Variants in SCMH1 observed in about 807,000 individuals in gnomAD.
SCMH1 encodes Scm polycomb group protein homolog 1.
SCMH1 carries 37 observed loss-of-function variants against 70.8 expected under a neutral mutation model. The ratio of observed to expected loss-of-function variants is 0.52; its 90% CI spans 0.40 to 0.69. SCMH1 has a LOEUF of 0.69. Ranked by LOEUF, SCMH1 falls within the 30% of genes least tolerant of loss-of-function variation. The probability of loss-of-function intolerance (pLI) is 0.00; values close to 1 mark genes in which losing one functional copy is unlikely to be tolerated. For missense variants in SCMH1, 607 were observed against 827.3 expected (o/e 0.73, Z 3.27); for synonymous variants, 292 against 307.4 (o/e 0.95, Z 0.52).
intron 10 of SCMH1, among the ~76,000 whole-genome samples, chr1:41,062,511 G>A (rs186074061): frequency 1.1e-4 from 17 of 152,086 alleles, no homozygotes; most frequent in Admixed American, 1.0e-3. Context: ...GGAGGCTGAG[G>A]TGGGCAGATC....
At chr1:41,171,130 G>A (rs1241347995) in intron 2 of SCMH1, among the ~76,000 whole-genome samples, 2 of 152,160 alleles carry the variant, frequency 1.3e-5, no homozygotes, top group African/African-American at 2.4e-5. Context: ...ACTGCTGAGT[G>A]CCCAATCTGC....
At chr1:41,179,888 A>G (rs1247610590) in intron 2 of SCMH1, among the ~76,000 whole-genome samples, 1 of 152,236 alleles carries the variant, frequency 6.6e-6, no homozygotes, top group Non-Finnish European at 1.5e-5. Flanking sequence ...TCCTGATACC[A>G]AAGTCTGGCA....
intron 1 of SCMH1, among the ~76,000 whole-genome samples, chr1:41,240,249 G>C (rs1229517886): frequency 2.0e-5 from 3 of 152,198 alleles, no homozygotes; most frequent in African/African-American, 4.8e-5. Flanking sequence ...GCTTGTCTAA[G>C]TTGTAAAAAC....
chr1:41,077,114 G>A (rs540250371), intron 8 of SCMH1, among the ~76,000 whole-genome samples: 1 of 152,256 alleles, frequency 6.6e-6, no homozygotes, highest in African/African-American at 2.4e-5. Context: ...AAAAGTCAGA[G>A]TAATTATTTA....
chr1:41,077,739 T>A (rs1658771152), intron 8 of SCMH1, among the ~76,000 whole-genome samples: 1 of 152,088 alleles, frequency 6.6e-6, no homozygotes, highest in African/African-American at 2.4e-5. Flanking sequence ...CAATCCAGAA[T>A]TAGATTGAGG....
chr1:41,140,724 C>A (rs1367733295), intron 6 of SCMH1, among the ~76,000 whole-genome samples: 1 of 152,080 alleles, frequency 6.6e-6, no homozygotes, highest in South Asian at 2.1e-4. Context: ...AAAAGGAGCC[C>A]AGGAACCTAG....
At chr1:41,060,796 C>A (rs1652356956) in intron 10 of SCMH1, among the ~76,000 whole-genome samples, 1 of 152,084 alleles carries the variant, frequency 6.6e-6, no homozygotes, top group African/African-American at 2.4e-5. Flanking sequence ...CAGGCATGCA[C>A]CACCATGCTT....
chr1:41,170,856 T>C (rs764246817), intron 2 of SCMH1, among the ~76,000 whole-genome samples: 2 of 152,196 alleles, frequency 1.3e-5, no homozygotes, highest in Non-Finnish European at 2.9e-5. Context: ...TTAAGATTAC[T>C]TCCAAATTCA....
chr1:41,048,193 G>A (rs1343254475), intron 11 of SCMH1, among the ~76,000 whole-genome samples: 2 of 152,184 alleles, frequency 1.3e-5, no homozygotes, highest in Non-Finnish European at 2.9e-5. Context: ...AAAAAACACT[G>A]TGTCACTGAA....
intron 1 of SCMH1, among the ~76,000 whole-genome samples, chr1:41,206,417 G>A (rs890774583): frequency 1.1e-4 from 16 of 152,156 alleles, no homozygotes; most frequent in African/African-American, 3.4e-4. Context: ...TTCAGTAGCC[G>A]ATTTGACCAA....
intron 10 of SCMH1, among the ~76,000 whole-genome samples, chr1:41,057,154 G>C (rs946648179): frequency 1.3e-4 from 20 of 152,152 alleles, no homozygotes; most frequent in African/African-American, 4.6e-4. Context: ...ACAGCCCAGG[G>C]GCAAAGGCTC....
chr1:41,050,511 C>T (rs1373762220), intron 10 of SCMH1, among the ~76,000 whole-genome samples: 1 of 151,920 alleles, frequency 6.6e-6, no homozygotes, highest in Non-Finnish European at 1.5e-5. Context: ...GGAGAACCAA[C>T]ATGGACGGAA....
Position 41,178,618 on chromosome 1 carries a change from A to C in SCMH1, c.13+7503T>G, listed in dbSNP as rs373983545. 7.2e-5 allele frequency among the ~76,000 whole-genome samples: 11 copies of C among 152,348 alleles called. No individual in the cohort carries two copies. In the East Asian group the frequency reaches 1.2e-3, roughly 16 times the overall value. On this transcript the variant is annotated intron_variant, in intron 2 of 14. Coordinates refer to ENST00000337495, the Ensembl canonical transcript of SCMH1. ...TGATAAAACAGACTTTAAACCAACA[A>C]AGATCAAAAGAGACAAAGAAGGCCA... is the stretch of plus-strand genomic sequence containing the variant.
At chr1:41,115,564 A>G (rs1670261036) in intron 7 of SCMH1, among the ~76,000 whole-genome samples, 1 of 152,166 alleles carries the variant, frequency 6.6e-6, no homozygotes, top group Non-Finnish European at 1.5e-5. Flanking sequence ...CGGTCTCCCA[A>G]GTAGCTGCGA....
intron 8 of SCMH1, among the ~76,000 whole-genome samples, chr1:41,111,143 T>C (rs1169271876): frequency 3.3e-5 from 5 of 152,230 alleles, no homozygotes; most frequent in Admixed American, 6.5e-5. Context: ...TTTTTTATTA[T>C]TGAGTTATAG....
rs368462696 is a variant in SCMH1, at chr1:41,056,674, T to TTC, written c.1106-7785_1106-7784insGA. On this transcript the variant is annotated intron_variant, in intron 10 of 14. Coordinates refer to ENST00000337495, the Ensembl canonical transcript of SCMH1. ...AAATTTGAAGAGACAGACAGGTGAA[T>TTC]AAGCCGAAGTCTCTGGAACTAGTGC... 3.0e-3 allele frequency among the ~76,000 whole-genome samples: 461 copies of TTC among 152,342 alleles called. 1 individual carries two copies. The highest frequency in any genetic ancestry group is 0.01 in the African/African-American group (432 of 41,582).
intron 1 of SCMH1, among the ~76,000 whole-genome samples, 191 bp from the exon 2 acceptor site, chr1:41,186,441 G>C (rs1650222573): frequency 6.6e-6 from 1 of 152,106 alleles, no homozygotes; most frequent in East Asian, 1.9e-4. Context: ...ATTTAATTAA[G>C]CCTCTATATT....
chr1:41,123,844 C>T (rs1355106093), intron 6 of SCMH1, among the ~76,000 whole-genome samples: 1 of 152,156 alleles, frequency 6.6e-6, no homozygotes, highest in Admixed American at 6.5e-5. Context: ...TACATATACA[C>T]CATGCAAGAT....
chr1:41,144,421 A>G (rs193254283), intron 5 of SCMH1, among the ~76,000 whole-genome samples: 1 of 152,212 alleles, frequency 6.6e-6, no homozygotes, highest in Non-Finnish European at 1.5e-5. Context: ...ACCCATGTCA[A>G]TGAGTGTATC....
Sources: gnomAD v4.1 joint callset for allele counts (sites outside exome capture counted in the v4.1 genomes callset) on GRCh38, gnomAD v4.1.1 for gene constraint, MANE v1.5 for transcripts, NCBI Gene and HGNC (gene_info 2026-07-23, HGNC 2026-07-21) for gene names.